Variants in METTL15 observed in about 807,000 individuals in gnomAD.
METTL15 encodes methyltransferase 15, mitochondrial 12S rRNA N4-cytidine, also known as 12S rRNA N(4)-cytidine methyltransferase METTL15.
METTL15 carries 34 observed loss-of-function variants against 38.3 expected under a neutral mutation model. The ratio of observed to expected loss-of-function variants is 0.89; its 90% confidence interval spans 0.68 to 1.18. The LOEUF (loss-of-function observed/expected upper bound fraction) is 1.18, where lower values mean the gene tolerates loss of function less well. METTL15 is among the 50% of genes most tolerant of loss of function. The pLI is 0.00. For missense variants in METTL15, 438 were observed against 498.4 expected, an observed-to-expected ratio of 0.88 and a Z score of 1.15; for synonymous variants, 162 against 170.9, an observed-to-expected ratio of 0.95 and a Z score of 0.41.
chr11:28,220,826 A>C (rs540573233), intron 4 of METTL15, among the ~76,000 whole-genome samples: 1 of 152,262 alleles, frequency 6.6e-6, no homozygotes, highest in East Asian at 1.9e-4. Context: ...CACGAAGCTT[A>C]GTTTGGCTGG....
chr11:28,334,148 T>TA (rs1247989389), downstream of METTL15, among the ~76,000 whole-genome samples: 7 of 151,904 alleles, frequency 4.6e-5, no homozygotes, highest in South Asian at 6.2e-4. Flanking sequence ...TAGGAAGAAA[T>TA]AAAAAAATAC....
chr11:28,126,511 G>T (rs1241189017), intron 3 of METTL15, among the ~76,000 whole-genome samples: 1 of 152,022 alleles, frequency 6.6e-6, no homozygotes, highest in Non-Finnish European at 1.5e-5. Context: ...TTATTGAATG[G>T]AGGAATGAAA....
chr11:28,169,206 A>T (rs1022684409), intron 3 of METTL15, among the ~76,000 whole-genome samples: 2 of 152,166 alleles, frequency 1.3e-5, no homozygotes, highest in Non-Finnish European at 2.9e-5. Context: ...AATAGATTTG[A>T]CAGAGAAATA....
chr11:28,159,274 A>G (rs1263910315), intron 3 of METTL15, among the ~76,000 whole-genome samples: 4 of 152,072 alleles, frequency 2.6e-5, no homozygotes, highest in Non-Finnish European at 5.9e-5. Flanking sequence ...CTACGCCGCA[A>G]CGGAGGTAAG....
chr11:28,173,019 A>T (rs1346939700), intron 3 of METTL15, among the ~76,000 whole-genome samples: 1 of 152,224 alleles, frequency 6.6e-6, no homozygotes, highest in East Asian at 1.9e-4. Context: ...CGAAACTCTT[A>T]TAAAGAGGTT....
At chr11:28,358,130 G>T (rs1850105410) in intron 4 of METTL15, among the ~76,000 whole-genome samples, 1 of 152,098 alleles carries the variant, frequency 6.6e-6, no homozygotes. Context: ...GCTTGAAGAT[G>T]AAGGAGACCA....
intron 5 of METTL15, among the ~76,000 whole-genome samples, chr11:28,391,843 A>T (rs1850512095): frequency 6.6e-6 from 1 of 152,226 alleles, no homozygotes; most frequent in Admixed American, 6.5e-5. Flanking sequence ...TAAATGTTAG[A>T]CCTGAAACCA....
intron 6 of METTL15, among the ~76,000 whole-genome samples, chr11:28,442,520 C>G (rs991145611): frequency 1.3e-5 from 2 of 152,094 alleles, no homozygotes; most frequent in African/African-American, 4.8e-5. Context: ...CAGAATTTAG[C>G]CAACTTTTTC....
chr11:28,514,439 A>T (rs1851702493), intron 6 of METTL15, among the ~76,000 whole-genome samples: 1 of 152,258 alleles, frequency 6.6e-6, no homozygotes, highest in Admixed American at 6.5e-5. Context: ...AATGCTAAGG[A>T]AATGGAGCCA....
At chr11:28,306,322 A>G (rs1857081371) in intron 6 of METTL15, among the ~76,000 whole-genome samples, 1 of 152,052 alleles carries the variant, frequency 6.6e-6, no homozygotes, top group Non-Finnish European at 1.5e-5. Context: ...AATTTTGTGA[A>G]GATATATATG....
intron 4 of METTL15, among the ~76,000 whole-genome samples, chr11:28,353,208 A>G (rs1237220330): frequency 6.6e-6 from 1 of 152,222 alleles, no homozygotes; most frequent in East Asian, 1.9e-4. Context: ...GTGATGACCA[A>G]CTGGGCTTGG....
At chr11:28,447,232 G>T (rs1258951925) in intron 6 of METTL15, among the ~76,000 whole-genome samples, 1 of 152,066 alleles carries the variant, frequency 6.6e-6, no homozygotes, top group Non-Finnish European at 1.5e-5. Flanking sequence ...GGGCCCAACT[G>T]AATGTAATTC....
chr11:28,296,045 A>G (rs1263757786), intron 5 of METTL15, among the ~76,000 whole-genome samples: 2 of 152,100 alleles, frequency 1.3e-5, no homozygotes, highest in Admixed American at 1.3e-4. Context: ...AATTTATTCT[A>G]TTTGACCAGA....
At chr11:28,223,341 C>A (rs1853330787) in intron 4 of METTL15, among the ~76,000 whole-genome samples, 1 of 151,852 alleles carries the variant, frequency 6.6e-6, no homozygotes. Context: ...TTATTAATAT[C>A]CACATATGTA....
rs1590334002 is a variant in METTL15 at position 28,330,904 on chromosome 11, T to C, written c.*63T>C. ...ATTTCTCTAATCTTTACTCATGTTA[T>C]GTCCCTGAATGTCTTGGTATAGGTT... is the stretch of plus-strand genomic sequence containing the variant. On this transcript the variant is annotated 3_prime_UTR_variant, in exon 7 of 7. Coordinates refer to ENST00000407364, the MANE Select transcript of METTL15 (RefSeq NM_001113528.2). The C allele has an allele frequency of 1.0e-5, 12 of 1,195,228 alleles. No homozygotes were observed. The East Asian group carries it at 3.1e-4, about 31-fold the overall frequency. 74.0% of individuals were successfully genotyped at this position (1,195,228 alleles called of 1,614,324 possible).
chr11:28,481,022 A>T (rs1033745406), intron 6 of METTL15, among the ~76,000 whole-genome samples: 2 of 152,174 alleles, frequency 1.3e-5, no homozygotes, highest in African/African-American at 4.8e-5. Context: ...AGAAAGAATA[A>T]CGTATTATTT....
chr11:28,398,067 A>G (rs977191959), intron 5 of METTL15, among the ~76,000 whole-genome samples: 2 of 151,898 alleles, frequency 1.3e-5, no homozygotes, highest in Non-Finnish European at 2.9e-5. Flanking sequence ...GAAGGGGAAT[A>G]TCACACACCA....
chr11:28,169,999 T>TG (rs1159607550), intron 3 of METTL15, among the ~76,000 whole-genome samples: 4 of 152,206 alleles, frequency 2.6e-5, no homozygotes, highest in East Asian at 1.9e-4. Flanking sequence ...TGCTCTGGTG[T>TG]GGGGGGTAGG....
At chr11:28,309,559 A>G (rs1016680345) in intron 6 of METTL15, among the ~76,000 whole-genome samples, 2 of 152,126 alleles carry the variant, frequency 1.3e-5, no homozygotes, top group African/African-American at 2.4e-5. Flanking sequence ...CCCGCAACCC[A>G]TGGTCCAGAT....
Sources: allele counts gnomAD v4.1 joint callset (sites outside exome capture counted in the v4.1 genomes callset), GRCh38; gene constraint gnomAD v4.1.1; transcripts MANE v1.5; gene names NCBI Gene and HGNC (gene_info 2026-07-23, HGNC 2026-07-21).